The following SPHKAP variants were observed in gnomAD, a reference collection of about 807,000 sequenced individuals.
The protein encoded by SPHKAP is A-kinase anchor protein SPHKAP.
A neutral mutation model predicts 137.5 loss-of-function variants in SPHKAP; 67 were observed. The observed-to-expected ratio is 0.49, with a 90% CI of 0.40 to 0.60. The LOEUF (loss-of-function observed/expected upper bound fraction) is 0.60, where lower values mean the gene tolerates loss of function less well. Among genes scored for constraint, SPHKAP ranks in the 20% least tolerant of loss-of-function variants. SPHKAP has a pLI of 0.00. For synonymous variants in SPHKAP, 813 were observed against 785.3 expected, an observed-to-expected ratio of 1.04 and a Z score of -0.59; for missense variants, 2,097 against 2,069.3, an observed-to-expected ratio of 1.01 and a Z score of -0.26.
chr2:228,018,726 T>G lies in SPHKAP; in HGVS notation c.2128A>C (p.Asn710His). 1.2e-6 allele frequency: 2 copies of G among 1,614,200 alleles called. No homozygotes were observed. Among genetic ancestry groups the G allele is most frequent in the Non-Finnish European group, 1.7e-6 (2 of 1,180,020 alleles). Reference sequence around the variant, plus strand: ...CATATCACATCTAAAAGCAGTTGATTTGTACTTTCCATTAAGGTGTCCAGA... The same window carrying G: ...CATATCACATCTAAAAGCAGTTGATGTGTACTTTCCATTAAGGTGTCCAGA... ...EILDTLMEST[N>H]QLLLDVICFT... Residue 710 changes from asparagine (N) to histidine (H), a missense_variant, in exon 7 of 12, where the codon AAT (asparagine) becomes CAT (histidine). Coordinates refer to ENST00000392056, the MANE Select transcript of SPHKAP (RefSeq NM_001142644.2).
chr2:227,997,420 C>A (rs936230377), intron 7 of SPHKAP, among the ~76,000 whole-genome samples: 1 of 151,990 alleles, frequency 6.6e-6, no homozygotes, highest in Non-Finnish European at 1.5e-5. Flanking sequence ...ATAAATCTCT[C>A]CAAGAAAAGT....
chr2:228,006,182 C>A lies in SPHKAP; in HGVS notation c.4448+10224G>T, dbSNP rs191412052. Among the ~76,000 whole-genome samples, 599 of 152,178 alleles carry A rather than the reference C, an allele frequency of 3.9e-3. 4 individuals are homozygous for A. Among genetic ancestry groups the A allele is most frequent in the African/African-American group, 0.014 (561 of 41,510 alleles). ...CCCATCACTTTCAGGTACACCAATC[C>A]GATGTAGATTTGTTCTTTTCACACA... On this transcript the variant is annotated intron_variant, in intron 7 of 11. Transcript: ENST00000392056.
At chr2:228,093,875 A>C (rs1012984185) in intron 3 of SPHKAP, among the ~76,000 whole-genome samples, 11 of 150,712 alleles carry the variant, frequency 7.3e-5, no homozygotes, top group South Asian at 2.1e-4. Context: ...AAAAAAAAAA[A>C]AAAAAAAAAA....
chr2:228,130,613 T>C (rs1366247761), intron 2 of SPHKAP, among the ~76,000 whole-genome samples: 1 of 152,130 alleles, frequency 6.6e-6, no homozygotes, highest in African/African-American at 2.4e-5. Context: ...TTTTAAAAAA[T>C]TAGAATAAGC....
At chr2:228,081,585 A>G (rs1040241750) in intron 3 of SPHKAP, among the ~76,000 whole-genome samples, 1 of 152,198 alleles carries the variant, frequency 6.6e-6, no homozygotes, top group Non-Finnish European at 1.5e-5. Context: ...AAAATGTGGT[A>G]TGTATACTTA....
At chr2:228,155,519 C>T (rs1700081856) in intron 1 of SPHKAP, among the ~76,000 whole-genome samples, 1 of 152,098 alleles carries the variant, frequency 6.6e-6, no homozygotes, top group African/African-American at 2.4e-5. Flanking sequence ...GAAACTTTGA[C>T]TTGCTCCTGG....
intron 1 of SPHKAP, among the ~76,000 whole-genome samples, chr2:228,140,396 C>T (rs528168794): frequency 8.5e-5 from 13 of 152,190 alleles, no homozygotes; most frequent in African/African-American, 3.1e-4. Context: ...TTCATATTCC[C>T]GTGTTCTTCC....
chr2:228,116,319 A>G (rs1269482782), intron 2 of SPHKAP, among the ~76,000 whole-genome samples: 1 of 152,164 alleles, frequency 6.6e-6, no homozygotes, highest in African/African-American at 2.4e-5. Flanking sequence ...AGCTTTGAAG[A>G]CAAATCTGAT....
intron 1 of SPHKAP, among the ~76,000 whole-genome samples, chr2:228,174,217 G>C (rs991084817): frequency 2.6e-5 from 4 of 152,038 alleles, no homozygotes; most frequent in African/African-American, 4.8e-5. Context: ...TTCAGAGACC[G>C]TATTTTGAGA....
chr2:228,010,675 T>C (rs1694334759), intron 7 of SPHKAP, among the ~76,000 whole-genome samples: 1 of 152,338 alleles, frequency 6.6e-6, no homozygotes, highest in South Asian at 2.1e-4. Context: ...TTTCAATAAT[T>C]AATACGTTTT....
chr2:228,019,485 C>G lies in SPHKAP; in HGVS notation c.1369G>C (p.Asp457His). The G allele has an allele frequency of 3.1e-6, 5 of 1,614,162 alleles. No individual in the cohort carries two copies. The highest frequency in any genetic ancestry group is 4.2e-6 in the Non-Finnish European group (5 of 1,180,024). Residue 457 changes from aspartate (D) to histidine (H), a missense_variant, in exon 7 of 12, where the codon GAT becomes CAT. Asp to His is a moderately conservative substitution (Grantham distance 81, BLOSUM62 -1). Coordinates refer to ENST00000392056, the MANE Select transcript of SPHKAP (RefSeq NM_001142644.2). ...GGCTGTGGGGCAGCATCACTGCCATCTGGACTCTGAACAACGACGATTTTG... is the reference window on the plus strand; with the variant it reads ...GGCTGTGGGGCAGCATCACTGCCATGTGGACTCTGAACAACGACGATTTTG... ...LPKIVVVQSPDGSDAAPQPGI... is the reference protein window; with the variant it reads ...LPKIVVVQSPHGSDAAPQPGI...
chr2:228,046,144 A>G (rs1696041524), intron 3 of SPHKAP, among the ~76,000 whole-genome samples: 1 of 152,162 alleles, frequency 6.6e-6, no homozygotes, highest in African/African-American at 2.4e-5. Context: ...TACAGTAATC[A>G]GTACACAATG....
intron 3 of SPHKAP, among the ~76,000 whole-genome samples, chr2:228,084,496 A>G (rs183595129): frequency 2.5e-4 from 38 of 152,322 alleles, no homozygotes; most frequent in African/African-American, 8.4e-4. Flanking sequence ...TATAAATGGT[A>G]TAAGTTTTGT....
At chr2:228,000,296 A>G (rs537448037) in intron 7 of SPHKAP, among the ~76,000 whole-genome samples, 3 of 152,226 alleles carry the variant, frequency 2.0e-5, no homozygotes, top group East Asian at 3.9e-4. Context: ...CCTAGCCAAC[A>G]TGGTGAAACA....
At chr2:227,982,392 G>A (rs1289414525) in intron 11 of SPHKAP, 1 of 982,970 alleles carries the variant, frequency 1.0e-6, no homozygotes, top group Non-Finnish European at 1.2e-6. Flanking sequence ...AGAAAGCCTG[G>A]CTTTCCACAG....
chr2:228,117,873 A>C (rs1175935926), intron 2 of SPHKAP, among the ~76,000 whole-genome samples: 1 of 150,384 alleles, frequency 6.6e-6, no homozygotes, highest in African/African-American at 2.4e-5. Flanking sequence ...AGAAAATTGC[A>C]AAATTTTATT....
At chr2:228,000,103 C>T (rs1047651074) in intron 7 of SPHKAP, among the ~76,000 whole-genome samples, 3 of 152,240 alleles carry the variant, frequency 2.0e-5, no homozygotes, top group Non-Finnish European at 4.4e-5. Context: ...CTGACAACCA[C>T]TGATCTTTTT....
intron 2 of SPHKAP, among the ~76,000 whole-genome samples, chr2:228,124,942 A>G (rs1249362152): frequency 1.3e-5 from 2 of 152,170 alleles, no homozygotes; most frequent in East Asian, 3.9e-4. Context: ...GCCACTGTTT[A>G]CAGCAAATTT....
chr2:228,046,721 T>A (rs1696071560), intron 3 of SPHKAP, among the ~76,000 whole-genome samples: 1 of 152,220 alleles, frequency 6.6e-6, no homozygotes, highest in African/African-American at 2.4e-5. Context: ...AGAAAAATTC[T>A]TTGTAATATC....
Sources: gnomAD v4.1 joint callset for allele counts (sites outside exome capture counted in the v4.1 genomes callset) on GRCh38, gnomAD v4.1.1 for gene constraint, MANE v1.5 for transcripts, NCBI Gene and HGNC (gene_info 2026-07-23, HGNC 2026-07-21) for gene names.